Variants in NINL observed in about 807,000 individuals in gnomAD.
The protein encoded by NINL is ninein like, also known as ninein-like protein.
In NINL, 153 loss-of-function variants were observed where a neutral mutation model predicts 160.3. That is an observed-to-expected ratio of 0.95 (90% CI 0.84 to 1.09). The LOEUF is 1.09. Among genes scored for constraint, NINL ranks in the 50% least tolerant of loss-of-function variants. The probability of loss-of-function intolerance (pLI) is 0.00; values close to 1 mark genes in which losing one functional copy is unlikely to be tolerated. For missense variants in NINL, 1,829 were observed against 1,764.0 expected (o/e 1.04, Z -0.66); for synonymous variants, 800 against 734.8 (o/e 1.09, Z -1.43).
chr20:25,580,326 T>A, intron 1 of NINL, among the ~76,000 whole-genome samples: 1 of 147,952 alleles, frequency 6.8e-6, no homozygotes, highest in African/African-American at 2.5e-5. Context: ...AGAGTGAGAC[T>A]CCACCTAAAA....
intron 13 of NINL, 95 bp downstream of exon 13, chr20:25,489,149 C>A (rs2063565562): frequency 3.4e-6 from 4 of 1,191,950 alleles, no homozygotes; most frequent in Non-Finnish European, 5.0e-6. Flanking sequence ...GAGGCTCTCC[C>A]TGGAGCAGAC....
rs1423740333 is a variant in NINL, at chr20:25,452,760, C to T, written c.*691G>A. Reference sequence around the variant, plus strand: ...ACTTTTTATATTACAGTAGTACATTCCAATCAGCCATATGGCCATAATTTG... The same window carrying T: ...ACTTTTTATATTACAGTAGTACATTTCAATCAGCCATATGGCCATAATTTG... On this transcript the variant is annotated 3_prime_UTR_variant, in exon 24 of 24. Coordinates refer to ENST00000278886, the MANE Select transcript of NINL (RefSeq NM_025176.6). The T allele has an allele frequency of 6.6e-6, 1 of 151,782 alleles. No homozygotes were observed. Among genetic ancestry groups the T allele is most frequent in the Non-Finnish European group, 1.5e-5 (1 of 67,942 alleles). The allele number at this position is 151,782 out of a possible 1,614,324, so 9.4% of individuals were successfully genotyped here. A position where few individuals can be genotyped will look rare whatever the true frequency, so the allele number is the denominator to read the frequency against.
At chr20:25,523,235 A>AAT (rs896275237) in intron 2 of NINL, among the ~76,000 whole-genome samples, 9 of 151,626 alleles carry the variant, frequency 5.9e-5, no homozygotes, top group African/African-American at 9.7e-5. Flanking sequence ...TATATGAGAG[A>AAT]ATATATATAT....
intron 1 of NINL, among the ~76,000 whole-genome samples, chr20:25,556,008 C>T (rs1417049679): frequency 1.3e-5 from 2 of 149,522 alleles, no homozygotes; most frequent in African/African-American, 4.9e-5. Context: ...AGGCCGGACA[C>T]GGTGCCTCAT....
At position 25,476,015 on chromosome 20, in the gene NINL, T is replaced by C. The variant is rs552337298; in HGVS notation, c.3248+28A>G. 17 of 1,594,980 alleles carry C rather than the reference T, an allele frequency of 1.1e-5. No individual in the cohort carries two copies. In the South Asian group the frequency reaches 1.8e-4, roughly 17 times the overall value. On this transcript the variant is annotated intron_variant, in intron 17 of 23. Coordinates refer to ENST00000278886, the MANE Select transcript of NINL (RefSeq NM_025176.6). ...TTCTGCATTTTTAGTTTGAAGTGTT[T>C]AGTTTTAAGAATGAGTAGAAGGCAA...
chr20:25,457,281 G>A (rs574684518), intron 22 of NINL, among the ~76,000 whole-genome samples: 8 of 151,710 alleles, frequency 5.3e-5, no homozygotes, highest in Admixed American at 3.3e-4. Context: ...CCAAGATTAC[G>A]CCACTGCACT....
chr20:25,517,406 G>A lies in NINL; in HGVS notation c.277+347C>T, dbSNP rs139259992. ...GTTACCATCCCAGCACCTTGAGGCT[G>A]AAACCAAGGCCAGGTGGCTTTCTCC... On this transcript the variant is annotated intron_variant, in intron 3 of 23. Transcript: ENST00000278886. Among the ~76,000 whole-genome samples, 5 of 152,298 alleles carry A rather than the reference G, an allele frequency of 3.3e-5. No individual in the cohort carries two copies. In the East Asian group the frequency reaches 9.7e-4, roughly 29 times the overall value.
rs566031711 is a variant in NINL, at chr20:25,544,896, T to G, written c.-11-18298A>C. On this transcript the variant is annotated intron_variant, in intron 1 of 23. Coordinates refer to ENST00000278886, the MANE Select transcript of NINL (RefSeq NM_025176.6). ...GGATGAATGTTTAAATAAACAAATC[T>G]GTCTTCAAGCTGCATTTGTTAAAAC... Among the ~76,000 whole-genome samples the G allele has an allele frequency of 4.6e-5, 7 of 152,360 alleles. No individual in the cohort carries two copies. The South Asian group carries it at 1.4e-3, about 32-fold the overall frequency.
At chr20:25,475,594 G>A (rs6138580) in intron 17 of NINL, among the ~76,000 whole-genome samples, 23,784 of 152,166 alleles carry the variant, frequency 0.16, 2,135 homozygotes, top group East Asian at 0.35. Context: ...AGCGAGGGCC[G>A]GGCGCAGTGG....
chr20:25,577,701 A>G (rs6083887), intron 1 of NINL, among the ~76,000 whole-genome samples: 147,774 of 152,310 alleles, frequency 0.97, 71,840 homozygotes, highest in Non-Finnish European at 1. Context: ...CTTTGTGAAT[A>G]GAGCTCCTGT....
chr20:25,508,893 C>T (rs762052841), intron 5 of NINL, among the ~76,000 whole-genome samples: 3 of 152,230 alleles, frequency 2.0e-5, no homozygotes, highest in Non-Finnish European at 4.4e-5. Context: ...CTCCGGCCTT[C>T]CTCTTTCCTG....
rs997087042 is a variant in NINL at position 25,513,117 on chromosome 20, C to A, written c.278-111G>T. ...CACACTCAGCACCGAGTGTGCCCCT[C>A]AAACACGTACTGCTCTGCACACAGA... is the stretch of plus-strand genomic sequence containing the variant. On this transcript the variant is annotated intron_variant, in intron 3 of 23. Coordinates refer to ENST00000278886, the MANE Select transcript of NINL (RefSeq NM_025176.6). 4.9e-6 allele frequency: 5 copies of A among 1,022,306 alleles called. No individual in the cohort carries two copies. In the African/African-American group the frequency reaches 8.0e-5, roughly 16 times the overall value. 63.3% of individuals were successfully genotyped at this position (1,022,306 alleles called of 1,614,324 possible).
At chr20:25,515,529 G>A (rs932543787) in intron 3 of NINL, among the ~76,000 whole-genome samples, 2 of 152,172 alleles carry the variant, frequency 1.3e-5, no homozygotes, top group Admixed American at 1.3e-4. Context: ...TACAAGGCAT[G>A]ATTGTGTTTT....
At chr20:25,482,793 A>C (rs1416522350) in intron 13 of NINL, among the ~76,000 whole-genome samples, 2 of 150,962 alleles carry the variant, frequency 1.3e-5, no homozygotes, top group Non-Finnish European at 3.0e-5. Context: ...GGAGGCCCAG[A>C]TGAGCAGATC....
chr20:25,496,077 C>T (rs1488160147), intron 10 of NINL, among the ~76,000 whole-genome samples: 6 of 152,092 alleles, frequency 3.9e-5, no homozygotes, highest in African/African-American at 1.4e-4. Context: ...ACCTGGGAGG[C>T]GGAGGTTGCA....
chr20:25,491,516 C>G lies in NINL; in HGVS notation c.1320G>C (p.Glu440Asp). 1 of 1,613,624 alleles carries G rather than the reference C, an allele frequency of 6.2e-7. No individual in the cohort carries two copies. The highest frequency in any genetic ancestry group is 8.5e-7 in the Non-Finnish European group (1 of 1,179,732). ...GGCTCAGCCTTTCCCGGTACCCCTG[C>G]TCCAGATGCCTGTAACATGTCACAC... ...QLTEKKIKHLEQGYRERLSLL... is the reference protein window; with the variant it reads ...QLTEKKIKHLDQGYRERLSLL... The change falls in exon 11 of 24, where the codon GAG (glutamate) becomes GAC (aspartate). Residue 440 changes from glutamate to aspartate, a missense_variant. By Grantham distance (45) the Glu-to-Asp change is conservative (BLOSUM62 2). Coordinates refer to ENST00000278886, the MANE Select transcript of NINL (RefSeq NM_025176.6).
chr20:25,575,589 A>T (rs2065106353), intron 1 of NINL, among the ~76,000 whole-genome samples: 1 of 152,044 alleles, frequency 6.6e-6, no homozygotes, highest in Non-Finnish European at 1.5e-5. Flanking sequence ...CGTCTCTACT[A>T]AAAAGTAAAA....
chr20:25,520,861 T>C (rs1194394569), intron 2 of NINL, among the ~76,000 whole-genome samples: 1 of 152,252 alleles, frequency 6.6e-6, no homozygotes, highest in African/African-American at 2.4e-5. Flanking sequence ...CATATGCAGT[T>C]ATAAGAAAAA....
intron 5 of NINL, among the ~76,000 whole-genome samples, chr20:25,506,259 T>G (rs2063960546): frequency 6.6e-6 from 1 of 151,824 alleles, no homozygotes. Context: ...ATACTCTGTC[T>G]CAGAAAAAAA....
Sources: gnomAD v4.1 joint callset for allele counts (sites outside exome capture counted in the v4.1 genomes callset) on GRCh38, gnomAD v4.1.1 for gene constraint, MANE v1.5 for transcripts, NCBI Gene and HGNC (gene_info 2026-07-23, HGNC 2026-07-21) for gene names.